The following SCML2 variants were observed in gnomAD, a reference collection of about 807,000 sequenced individuals.
SCML2 encodes Scm polycomb group protein like 2.
Under a neutral mutation model 48.4 loss-of-function variants are expected in SCML2, and 6 were observed. The observed-to-expected ratio is 0.12, with a 90% CI of 0.07 to 0.24. The LOEUF (loss-of-function observed/expected upper bound fraction) is 0.24, where lower values mean the gene tolerates loss of function less well. Among genes scored for constraint, SCML2 ranks in the 10% least tolerant of loss-of-function variants. SCML2 has a pLI of 1.00. For missense variants in SCML2, 377 were observed against 528.2 expected (o/e 0.71, Z 2.81); for synonymous variants, 181 against 189.5 (o/e 0.95, Z 0.37).
chrX:18,330,231 T>C (rs979978409), intron 3 of SCML2, among the ~76,000 whole-genome samples: 1 of 111,532 alleles, frequency 9.0e-6, no homozygotes, highest in Non-Finnish European at 1.9e-5. Flanking sequence ...CTTCTGACCA[T>C]GAAAAAAAAG....
intron 11 of SCML2, among the ~76,000 whole-genome samples, chrX:18,251,309 CAAAAAAA>C (rs750658948): frequency 1.6e-3 from 11 of 6,770 alleles, no homozygotes; most frequent in South Asian, 4.1e-3. Context: ...GATTCCATTG[CAAAAAAA>C]AAAAAAAAAA....
At chrX:18,243,550 C>A (rs1926341697) in intron 13 of SCML2, among the ~76,000 whole-genome samples, 1 of 111,774 alleles carries the variant, frequency 8.9e-6, no homozygotes, top group African/African-American at 3.2e-5. Flanking sequence ...AAATGCTTAT[C>A]TGAATTTTGA....
At chrX:18,255,643 A>G (rs1602079978) in intron 11 of SCML2, among the ~76,000 whole-genome samples, 1 of 112,269 alleles carries the variant, frequency 8.9e-6, no homozygotes, top group Non-Finnish European at 1.9e-5. Context: ...AAGGAAATGG[A>G]AAAAAGGGGA....
chrX:18,291,124 T>C (rs1386859115), intron 7 of SCML2, among the ~76,000 whole-genome samples: 1 of 111,947 alleles, frequency 8.9e-6, no homozygotes. Context: ...CTCGTTTTCA[T>C]TTGCGTGATT....
intron 7 of SCML2, among the ~76,000 whole-genome samples, chrX:18,273,750 C>T (rs1369911112): frequency 9.0e-6 from 1 of 111,440 alleles, no homozygotes; most frequent in East Asian, 2.8e-4. Context: ...TCAAATGTTG[C>T]CTTTTCCAAA....
chrX:18,350,995 G>A (rs187415542), intron 1 of SCML2, among the ~76,000 whole-genome samples: 78 of 110,929 alleles, frequency 7.0e-4, no homozygotes, highest in African/African-American at 2.3e-3. Flanking sequence ...ACGGCCGGGC[G>A]TGGTGGCTCA....
At chrX:18,270,814 T>C (rs1390448709) in intron 7 of SCML2, among the ~76,000 whole-genome samples, 1 of 111,483 alleles carries the variant, frequency 9.0e-6, no homozygotes, top group Non-Finnish European at 1.9e-5. Context: ...TTCATATGTA[T>C]ATGAACACAC....
Position 18,239,478 on chromosome X carries a change from C to A in SCML2, c.*1773G>T, listed in dbSNP as rs920014807. 2 of 112,547 alleles carry A rather than the reference C, an allele frequency of 1.8e-5. No homozygotes were observed. Among genetic ancestry groups the A allele is most frequent in the Non-Finnish European group, 3.8e-5 (2 of 53,284 alleles). The allele number at this position is 112,547 out of a possible 1,213,427, so 9.3% of individuals were successfully genotyped here. On this transcript the variant is annotated 3_prime_UTR_variant, in exon 15 of 15. Transcript: ENST00000251900. Reference sequence around the variant, plus strand: ...GAATCTTATGACATGTAAGGAATAACATAAATGAAGCTATTCTTTAAATAG... The same window carrying A: ...GAATCTTATGACATGTAAGGAATAAAATAAATGAAGCTATTCTTTAAATAG...
At chrX:18,335,104 C>A (rs111701411) in intron 1 of SCML2, among the ~76,000 whole-genome samples, 3 of 110,430 alleles carry the variant, frequency 2.7e-5, no homozygotes, top group Non-Finnish European at 5.7e-5. Context: ...AAAATATATA[C>A]GGGGTGTTGA....
In SCML2 at chrX:18,239,534, T is replaced by G. The variant is rs141941045; in HGVS notation, c.*1717A>C. On this transcript the variant is annotated 3_prime_UTR_variant, in exon 15 of 15. Transcript: ENST00000251900. The stretch of plus-strand genomic sequence containing the variant: ...TTCATGTCTAAAGTACATTTGGTTT[T>G]CTAAAAAGAAAATGTACATTCTTGC... 5.0e-3 allele frequency: 563 copies of G among 112,604 alleles called. 4 individuals are homozygous for G. The highest frequency in any genetic ancestry group is 8.8e-3 in the Non-Finnish European group (471 of 53,276). 9.3% of individuals were successfully genotyped at this position (112,604 alleles called of 1,213,427 possible).
rs187588557 is a variant in SCML2 at position 18,259,188 on chromosome X, G to A, written c.1070-941C>T. On this transcript the variant is annotated intron_variant, in intron 9 of 14. Coordinates refer to ENST00000251900, the MANE Select transcript of SCML2 (RefSeq NM_006089.3). ...CGAGGCAGAAGAATCACTTGAACCC[G>A]GGAGGCAGAGGTTGCATTTAGCCAA... 5.0e-3 allele frequency among the ~76,000 whole-genome samples: 542 copies of A among 109,180 alleles called. 2 individuals carry two copies. Among genetic ancestry groups the A allele is most frequent in the African/African-American group, 0.017 (501 of 29,955 alleles). The allele number at this position is 109,180 out of a possible 115,157, so 94.8% of individuals were successfully genotyped here.
chrX:18,284,762 C>A (rs772251075), intron 7 of SCML2, among the ~76,000 whole-genome samples: 1 of 112,358 alleles, frequency 8.9e-6, no homozygotes, highest in Non-Finnish European at 1.9e-5. Context: ...CAGACGTGGC[C>A]GGGTGTGGTG....
intron 6 of SCML2, among the ~76,000 whole-genome samples, chrX:18,319,943 G>T (rs1265104555): frequency 2.7e-5 from 3 of 111,455 alleles, no homozygotes; most frequent in Non-Finnish European, 5.6e-5. Context: ...CAAGAAGAGA[G>T]ATCTCACCAG....
chrX:18,285,797 G>C (rs1327629836), intron 7 of SCML2, among the ~76,000 whole-genome samples: 1 of 111,478 alleles, frequency 9.0e-6, no homozygotes, highest in Non-Finnish European at 1.9e-5. Flanking sequence ...CCAAATATTG[G>C]TGGAGTACCT....
chrX:18,339,460 C>A (rs1929943558), intron 1 of SCML2, among the ~76,000 whole-genome samples: 1 of 112,308 alleles, frequency 8.9e-6, no homozygotes, highest in Admixed American at 9.5e-5. Flanking sequence ...ATAATCCCAG[C>A]ACTTTAGGAG....
At chrX:18,255,505 A>G (rs1203104967) in intron 11 of SCML2, among the ~76,000 whole-genome samples, 1 of 112,363 alleles carries the variant, frequency 8.9e-6, no homozygotes, top group Admixed American at 9.5e-5. Flanking sequence ...ACAGTATCAT[A>G]CCTTTATTTC....
intron 11 of SCML2, among the ~76,000 whole-genome samples, chrX:18,251,419 T>A (rs1926660369): frequency 9.8e-6 from 1 of 102,152 alleles, no homozygotes; most frequent in African/African-American, 3.7e-5. Context: ...GTATCCAGAA[T>A]ATACGAAGAA....
intron 6 of SCML2, among the ~76,000 whole-genome samples, chrX:18,319,746 C>T (rs1202346636): frequency 9.0e-6 from 1 of 111,545 alleles, no homozygotes; most frequent in African/African-American, 3.3e-5. Flanking sequence ...AAGCACCAAC[C>T]CCCAACATAT....
intron 11 of SCML2, among the ~76,000 whole-genome samples, chrX:18,253,835 G>T (rs1221256502): frequency 1.8e-5 from 2 of 111,883 alleles, no homozygotes; most frequent in Non-Finnish European, 3.8e-5. Context: ...GAGAATGAAT[G>T]ATCTAACTAT....
Sources: allele counts gnomAD v4.1 joint callset (sites outside exome capture counted in the v4.1 genomes callset), GRCh38; gene constraint gnomAD v4.1.1; transcripts MANE v1.5; gene names NCBI Gene and HGNC (gene_info 2026-07-23, HGNC 2026-07-21).